The following PALB2 variants were observed in gnomAD, a reference collection of about 807,000 sequenced individuals.
PALB2 encodes the protein partner and localizer of BRCA2.
A neutral mutation model predicts 107.4 loss-of-function variants in PALB2; 82 were observed. The observed-to-expected ratio is 0.76, with a 90% CI of 0.64 to 0.92. The LOEUF (loss-of-function observed/expected upper bound fraction) is 0.92. Ranked by LOEUF, PALB2 falls within the 40% of genes least tolerant of loss-of-function variation. The probability of loss-of-function intolerance (pLI) is 0.00; values close to 1 mark genes in which losing one functional copy is unlikely to be tolerated. For missense variants in PALB2, 1,374 were observed against 1,379.9 expected (o/e 1.00, Z 0.07); for synonymous variants, 489 against 496.8 (o/e 0.98, Z 0.21).
rs1966857283 is a variant in PALB2, at chr16:23,629,815, C to T, written c.2339G>A (p.Gly780Asp). ...ASDTKQFDSS[G>D]SPAKPHTTLQ... Reference sequence around the variant, plus strand: ...GGTGGTATGTGGTTTTGCTGGGCTGCCTGAACTGTCGAATTGTTTAGTATC... The same window carrying T: ...GGTGGTATGTGGTTTTGCTGGGCTGTCTGAACTGTCGAATTGTTTAGTATC... Residue 780 changes from glycine (G) to aspartate (D), a missense_variant, in exon 5 of 13, where the codon GGC becomes GAC. Physicochemically the swap from Gly to Asp is moderately conservative, Grantham distance 94. Transcript: ENST00000261584. The T allele has an allele frequency of 6.2e-7, 1 of 1,614,014 alleles. No homozygotes were observed. Among genetic ancestry groups the T allele is most frequent in the Admixed American group, 1.7e-5 (1 of 59,988 alleles).
rs1459102959 is a variant in PALB2, at chr16:23,626,240, G to A, written c.2744C>T (p.Ala915Val). Residue 915 changes from alanine to valine, a missense_variant, in exon 7 of 13, where the codon GCA becomes GTA. Transcript: ENST00000261584. ...CAGCTCGAGATTCCCACTTACCTCT[G>A]CGAAGTGCCAGGTATAAAGTTTTTC... ...QWEKLYTWHFAEVPVLQIVPV... is the reference protein window; with the variant it reads ...QWEKLYTWHFVEVPVLQIVPV... 1.2e-6 allele frequency: 2 copies of A among 1,614,072 alleles called. No individual in the cohort carries two copies. The highest frequency in any genetic ancestry group is 1.3e-5 in the African/African-American group (1 of 74,918).
chr16:23,603,816 G>A (rs1196067902), intron 12 of PALB2, 147 bp from the exon 13 acceptor site: 5 of 718,198 alleles, frequency 7.0e-6, no homozygotes, highest in East Asian at 2.7e-5. Flanking sequence ...AGCCTTAGAG[G>A]TCTGTTGGCT....
At position 23,621,446 on chromosome 16, in the gene PALB2, T is replaced by C. The variant is rs1228569190; in HGVS notation, c.3029A>G (p.Glu1010Gly). The change falls in exon 10 of 13, where the codon GAG (glutamate) becomes GGG (glycine). Residue 1010 changes from glutamate (E) to glycine (G), a missense_variant. Glu to Gly is a moderately conservative substitution (Grantham distance 98). Transcript: ENST00000261584. ...GKENQFLMPPEETILTFAEVQ... is the reference protein window; with the variant it reads ...GKENQFLMPPGETILTFAEVQ... The stretch of plus-strand genomic sequence containing the variant: ...CTCAGCAAAAGTTAGTATAGTCTCC[T>C]CAGGGGGCATCAAAAATTGGTTTTC... 1 of 1,613,978 alleles carries C rather than the reference T, an allele frequency of 6.2e-7. No individual in the cohort carries two copies. The highest frequency in any genetic ancestry group is 8.5e-7 in the Non-Finnish European group (1 of 1,179,982).
chr16:23,603,782 G>GT, intron 12 of PALB2, 113 bp from the exon 13 acceptor site: 1 of 934,620 alleles, frequency 1.1e-6, no homozygotes, highest in Non-Finnish European at 1.6e-6. Context: ...AAAAATCCCT[G>GT]TAACTATGAA....
In PALB2 at chr16:23,630,332, T is replaced by C. The variant is rs1966865388; in HGVS notation, c.1822A>G (p.Ser608Gly). 6.2e-7 allele frequency: 1 copy of C among 1,614,222 alleles called. No homozygotes were observed. The highest frequency in any genetic ancestry group is 1.1e-5 in the South Asian group (1 of 91,086). ...LSLKQLLSFL[S>G]ITDFQLPDED... The stretch of plus-strand genomic sequence containing the variant: ...TCAGGTAACTGAAAGTCTGTGATAC[T>C]GAGAAAAGACAGTAGTTGCTTTAAA... Residue 608 changes from serine to glycine, a missense_variant, in exon 5 of 13, where the codon AGT becomes GGT. By Grantham distance (56) the Ser-to-Gly change is moderately conservative. Coordinates refer to ENST00000261584, the MANE Select transcript of PALB2 (RefSeq NM_024675.4).
intron 6 of PALB2, among the ~76,000 whole-genome samples, chr16:23,627,441 T>C (rs1342413637): frequency 2.7e-5 from 4 of 146,186 alleles, no homozygotes; most frequent in Non-Finnish European, 6.0e-5. Context: ...GAGCCGAGAT[T>C]GCGCCACTGC....
chr16:23,637,207 C>T (rs927265762), intron 3 of PALB2, among the ~76,000 whole-genome samples: 1 of 152,052 alleles, frequency 6.6e-6, no homozygotes, highest in African/African-American at 2.4e-5. Flanking sequence ...GTGATTGAGC[C>T]ACTGTACTCC....
intron 1 of PALB2, 40 bp from the exon 2 acceptor site, chr16:23,638,169 A>C (rs376819209): frequency 7.7e-6 from 12 of 1,558,868 alleles, no homozygotes; most frequent in Non-Finnish European, 9.7e-6. Flanking sequence ...GGCAAGTGGA[A>C]AGGTGGAGTC....
At chr16:23,615,669 T>TC (rs1434165637) in intron 10 of PALB2, among the ~76,000 whole-genome samples, 3 of 151,956 alleles carry the variant, frequency 2.0e-5, no homozygotes, top group Non-Finnish European at 2.9e-5. Flanking sequence ...AAGTCCAAGT[T>TC]CTTTTTTTTT....
chr16:23,634,856 A>G lies in PALB2; in HGVS notation c.1684+6T>C. On this transcript the variant is annotated splice_donor_region_variant and intron_variant, in intron 4 of 12. Coordinates refer to ENST00000261584, the MANE Select transcript of PALB2 (RefSeq NM_024675.4). ...CATCATCATCATCAAACACATCTTG[A>G]TTTACCTTTCACTTGAATAAATAAT... is the stretch of plus-strand genomic sequence containing the variant. 6.2e-7 allele frequency: 1 copy of G among 1,611,618 alleles called. No homozygotes were observed. The highest frequency in any genetic ancestry group is 8.5e-7 in the Non-Finnish European group (1 of 1,178,694).
chr16:23,616,937 C>T (rs191975474), intron 10 of PALB2, among the ~76,000 whole-genome samples: 51 of 152,066 alleles, frequency 3.4e-4, no homozygotes, highest in African/African-American at 1.1e-3. Flanking sequence ...CTCAGCCTCC[C>T]GAGTAGCTGG....
intron 6 of PALB2, 124 bp downstream of exon 6, chr16:23,629,080 G>T: frequency 1.3e-6 from 1 of 781,106 alleles, no homozygotes; most frequent in East Asian, 2.6e-5. Context: ...CTGTTTTTCT[G>T]AATCTGTTTA....
chr16:23,605,286 G>A (rs1966449557), intron 12 of PALB2, among the ~76,000 whole-genome samples: 1 of 152,076 alleles, frequency 6.6e-6, no homozygotes, highest in African/African-American at 2.4e-5. Flanking sequence ...TGCCAATTAA[G>A]GTGCCCACCT....
At position 23,635,989 on chromosome 16, in the gene PALB2, T is replaced by A. The variant is rs587782164; in HGVS notation, c.557A>T (p.Asn186Ile). ...LKEQEEISSK[N>I]PARSPVTEIR... ...TTCAGTTACTGGTGATCTAGCAGGA[T>A]TTTTGCTACTGATTTCTTCCTGTTC... Residue 186 changes from asparagine (N) to isoleucine (I), a missense_variant, in exon 4 of 13, where the codon AAT (asparagine) becomes ATT (isoleucine). Physicochemically the swap from Asn to Ile is moderately radical, Grantham distance 149 (BLOSUM62 -3). Transcript: ENST00000261584. The A allele has an allele frequency of 2.5e-6, 4 of 1,614,146 alleles. No homozygotes were observed. The highest frequency in any genetic ancestry group is 2.2e-5 in the East Asian group (1 of 44,882).
In PALB2 at chr16:23,603,277, T is replaced by C. The variant is rs1778851132; in HGVS notation, c.*182A>G. The stretch of plus-strand genomic sequence containing the variant: ...ACCTAAAACCCTTTTTCTCAAAGTA[T>C]ACATAAATGTACATCCAAGATCAGT... On this transcript the variant is annotated 3_prime_UTR_variant, in exon 13 of 13. Coordinates refer to ENST00000261584, the MANE Select transcript of PALB2 (RefSeq NM_024675.4). 1.7e-6 allele frequency: 1 copy of C among 592,750 alleles called. No individual in the cohort carries two copies. Among genetic ancestry groups the C allele is most frequent in the Non-Finnish European group, 3.0e-6 (1 of 336,770 alleles). 36.7% of individuals were successfully genotyped at this position (592,750 alleles called of 1,614,324 possible).
chr16:23,625,335 AAAAC>A (rs1014380796), intron 7 of PALB2, among the ~76,000 whole-genome samples: 4 of 151,002 alleles, frequency 2.6e-5, no homozygotes, highest in Non-Finnish European at 5.9e-5. Context: ...TCTCTCTCCA[AAAAC>A]AAACAAACAA....
chr16:23,628,859 T>C (rs905862937), intron 6 of PALB2, among the ~76,000 whole-genome samples: 1 of 152,088 alleles, frequency 6.6e-6, no homozygotes, highest in Non-Finnish European at 1.5e-5. Flanking sequence ...GCCTCAAACA[T>C]CTGACCTCAA....
chr16:23,617,582 T>C (rs919620677), intron 10 of PALB2: 6 of 93,512 alleles, frequency 6.4e-5, no homozygotes, highest in African/African-American at 2.3e-4. Flanking sequence ...AAAAAAAAAT[T>C]TTTTTTTTTT....
At chr16:23,634,742 G>C (rs900925478) in intron 4 of PALB2, 120 bp downstream of exon 4, 2 of 1,380,756 alleles carry the variant, frequency 1.4e-6, no homozygotes, top group Non-Finnish European at 2.0e-6. Context: ...GATTACAGAC[G>C]TAAGCCACCA....
Sources: allele counts gnomAD v4.1 joint callset (sites outside exome capture counted in the v4.1 genomes callset), GRCh38; gene constraint gnomAD v4.1.1; transcripts MANE v1.5; gene names NCBI Gene and HGNC (gene_info 2026-07-23, HGNC 2026-07-21).